POLRMT: variants seen among roughly 807,000 people sequenced by gnomAD.
POLRMT encodes the protein RNA polymerase mitochondrial, also known as DNA-directed RNA polymerase, mitochondrial.
A neutral mutation model predicts 132.2 loss-of-function variants in POLRMT; 114 were observed. That is an observed-to-expected ratio of 0.86 (90% CI 0.74 to 1.01). The LOEUF (loss-of-function observed/expected upper bound fraction) is 1.01. Among genes scored for constraint, POLRMT ranks in the 50% least tolerant of loss-of-function variants. The pLI is 0.00. For synonymous variants in POLRMT, 1,020 were observed against 773.4 expected (o/e 1.32, Z -5.29); for missense variants, 2,003 against 1,729.1 (o/e 1.16, Z -2.81).
rs1056748 is a variant in POLRMT at position 617,578 on chromosome 19, G to A, written c.3573C>T (p.Phe1191=). The change falls in exon 19 of 21, where the codon TTC becomes TTT. Residue 1191 remains phenylalanine (F), a synonymous_variant. Transcript: ENST00000588649. ...QDLSRFLVKR[F]CSEPQKILEA... ...GTCAGGGAGCGCCTTACTCAGAGCA[G>A]AACCGCTTGACCAGGAATCTGGACA... The A allele has an allele frequency of 3.1e-6, 5 of 1,611,824 alleles. No homozygotes were observed. In the Admixed American group the frequency reaches 6.7e-5, roughly 21 times the overall value.
In POLRMT at chr19:622,367, CG is replaced by C; in HGVS notation, c.1632del (p.Glu545SerfsTer77). ...CAGTACTGCCGCGGCAGGCAGGGCT[CG>C]GGCACCTGTAGGACAGGGCGGTCAG... ...LCLLASDAEV[P>X]EPCLPRQYWE... On this transcript the variant is annotated frameshift_variant, in exon 9 of 21. Coordinates refer to ENST00000588649, the MANE Select transcript of POLRMT (RefSeq NM_005035.4). LOFTEE classifies it high-confidence loss of function. The C allele has an allele frequency of 1.3e-6, 2 of 1,549,394 alleles. No individual in the cohort carries two copies. Among genetic ancestry groups the C allele is most frequent in the Non-Finnish European group, 1.7e-6 (2 of 1,148,756 alleles).
chr19:631,377 C>T (rs1985406443), intron 2 of POLRMT, among the ~76,000 whole-genome samples: 1 of 150,394 alleles, frequency 6.6e-6, no homozygotes, highest in Non-Finnish European at 1.5e-5. Context: ...TGGTGGCTCA[C>T]GCCTGTAATC....
chr19:617,529 G>GT (rs758152424), intron 19 of POLRMT, 41 bp downstream of exon 19: 1 of 1,579,956 alleles, frequency 6.3e-7, no homozygotes, highest in Non-Finnish European at 8.6e-7. Flanking sequence ...GTTTTGGGGT[G>GT]GGGGGGGAAT....
intron 20 of POLRMT, 44 bp from the exon 21 acceptor site, chr19:617,367 C>T: frequency 6.2e-7 from 1 of 1,612,408 alleles, no homozygotes; most frequent in Non-Finnish European, 8.5e-7. Flanking sequence ...CGGGAAAGCC[C>T]CGCCCTGGCC....
chr19:622,812 A>G lies in POLRMT; in HGVS notation c.1455+9T>C, dbSNP rs745336382. On this transcript the variant is annotated intron_variant, in intron 7 of 20. Transcript: ENST00000588649. ...GCCCGGGGACCCGGCCGCGCGGAGGAAGACGCACCTGCAGGAGCATCCGCA... is the reference window on the plus strand; with the variant it reads ...GCCCGGGGACCCGGCCGCGCGGAGGGAGACGCACCTGCAGGAGCATCCGCA... 1.3e-6 allele frequency: 2 copies of G among 1,582,500 alleles called. No homozygotes were observed. The highest frequency in any genetic ancestry group is 1.1e-5 in the South Asian group (1 of 87,778).
chr19:622,016 T>C (rs1211191573), intron 9 of POLRMT, 133 bp downstream of exon 9: 3 of 1,127,842 alleles, frequency 2.7e-6, no homozygotes, highest in East Asian at 2.6e-5. Context: ...TGGACACCCA[T>C]GGTGTGTCCC....
rs200224860 is a variant in POLRMT at position 617,813 on chromosome 19, G to C, written c.3459C>G (p.Tyr1153Ter). 1 of 1,613,362 alleles carries C rather than the reference G, an allele frequency of 6.2e-7. No homozygotes were observed. The highest frequency in any genetic ancestry group is 8.5e-7 in the Non-Finnish European group (1 of 1,179,926). The change falls in exon 18 of 21, where the codon TAC becomes TAG. Residue 1153 changes from tyrosine (Y) to a stop codon, truncating the protein, a stop_gained. Transcript: ENST00000588649. LOFTEE classifies it high-confidence loss of function. Reference protein sequence around the residue: ...GLTFVSVHDCYWTHAADVSVM... With the variant: ...GLTFVSVHDC ...CGGAGACATCAGCTGCGTGAGTCCA[G>C]TAACAGTCGTGCACAGAGACGAAGG...
chr19:629,040 G>A (rs1985220453), intron 3 of POLRMT, among the ~76,000 whole-genome samples: 1 of 152,080 alleles, frequency 6.6e-6, no homozygotes, highest in African/African-American at 2.4e-5. Context: ...AAAACGGCAA[G>A]GGAAATTGGA....
Position 618,747 on chromosome 19 carries a change from C to A in POLRMT, c.3281G>T (p.Gly1094Val). Residue 1094 changes from glycine (G) to valine (V), a missense_variant, in exon 16 of 21, where the codon GGA (glycine) becomes GTA (valine). Transcript: ENST00000588649. The part of the protein sequence containing the change: ...LDSKVKQIGG[G>V]IQSITYTHNG... ...GTGGGTGTAGGTGATGCTCTGAATTCCACCTCCTATTTGCTAAAAAGGGGA... is the reference window on the plus strand; with the variant it reads ...GTGGGTGTAGGTGATGCTCTGAATTACACCTCCTATTTGCTAAAAAGGGGA... The A allele has an allele frequency of 6.2e-7, 1 of 1,604,350 alleles. No homozygotes were observed. The highest frequency in any genetic ancestry group is 8.5e-7 in the Non-Finnish European group (1 of 1,176,022).
chr19:622,041 A>T, intron 9 of POLRMT, 108 bp downstream of exon 9: 1 of 1,202,914 alleles, frequency 8.3e-7, no homozygotes, highest in South Asian at 1.5e-5. Context: ...CCTGGGAGGT[A>T]CTGACGGCTG....
At chr19:629,396 T>C (rs1302517199) in intron 3 of POLRMT, 144 bp downstream of exon 3, 1 of 918,820 alleles carries the variant, frequency 1.1e-6, no homozygotes, top group African/African-American at 1.7e-5. Flanking sequence ...ACGTGATTTG[T>C]ATTTGAAAAG....
intron 3 of POLRMT, among the ~76,000 whole-genome samples, chr19:626,696 C>CAAAAAAAAAAAAAAAA (rs59746130): frequency 2.9e-5 from 3 of 105,020 alleles, no homozygotes; most frequent in African/African-American, 1.3e-4. Flanking sequence ...ACTAAAAATA[C>CAAAAAAAAAAAAAAAA]AAAAAAAAAA....
In POLRMT at chr19:632,831, C is replaced by T; in HGVS notation, c.193+3G>A. On this transcript the variant is annotated splice_donor_region_variant and intron_variant, in intron 2 of 20. Coordinates refer to ENST00000588649, the MANE Select transcript of POLRMT (RefSeq NM_005035.4). ...CCCGGGCCGCCGTGGGGGTCGCGCT[C>T]ACCCTCCAGCAGCTCCACGTGGCCC... is the stretch of plus-strand genomic sequence containing the variant. The T allele has an allele frequency of 2.0e-6, 3 of 1,533,992 alleles. No individual in the cohort carries two copies. The highest frequency in any genetic ancestry group is 2.6e-6 in the Non-Finnish European group (3 of 1,142,342).
chr19:618,342 G>A (rs549207123), intron 17 of POLRMT, 146 bp downstream of exon 17: 4 of 652,004 alleles, frequency 6.1e-6, no homozygotes, highest in East Asian at 2.8e-5. Flanking sequence ...ACAGCCTCAG[G>A]GCCTCTACAC....
At chr19:624,423 A>G (rs1287551928) in intron 5 of POLRMT, among the ~76,000 whole-genome samples, 1 of 152,156 alleles carries the variant, frequency 6.6e-6, no homozygotes, top group African/African-American at 2.4e-5. Flanking sequence ...CACCTCAGTA[A>G]CAGACGAGCC....
chr19:618,239 G>A, intron 17 of POLRMT: 1 of 553,256 alleles, frequency 1.8e-6, no homozygotes, highest in African/African-American at 1.9e-5. Flanking sequence ...GCGGTGCCAA[G>A]AAATGCCCAG....
intron 4 of POLRMT, 82 bp downstream of exon 4, chr19:625,035 TCCCCAGC>T (rs1382909219): frequency 8.6e-6 from 13 of 1,519,790 alleles, no homozygotes; most frequent in East Asian, 2.4e-5. Flanking sequence ...CCTCTGGGGG[TCCCCAGC>T]CCCCAGCCCA....
chr19:623,088 C>G (rs1433211702), intron 6 of POLRMT, 103 bp from the exon 7 acceptor site: 1 of 1,362,712 alleles, frequency 7.3e-7, no homozygotes, highest in Non-Finnish European at 9.9e-7. Context: ...TCATGGCCCT[C>G]AAGGTCCCTG....
At chr19:625,414 T>A (rs1031961067) in intron 3 of POLRMT, 160 bp from the exon 4 acceptor site, 1 of 926,276 alleles carries the variant, frequency 1.1e-6, no homozygotes, top group South Asian at 1.9e-5. Context: ...CCCCTGAGGT[T>A]CTGACACACA....
Sources: allele counts gnomAD v4.1 joint callset (sites outside exome capture counted in the v4.1 genomes callset), GRCh38; gene constraint gnomAD v4.1.1; transcripts MANE v1.5; gene names NCBI Gene and HGNC (gene_info 2026-07-23, HGNC 2026-07-21).